Variants in PKHD1L1 observed in about 807,000 individuals in gnomAD.
PKHD1L1 encodes PKHD1 like 1, also known as fibrocystin-L.
A neutral mutation model predicts 462.9 loss-of-function variants in PKHD1L1; 434 were observed. The ratio of observed to expected loss-of-function variants is 0.94; its 90% CI spans 0.87 to 1.02. The LOEUF is 1.02. Among genes scored for constraint, PKHD1L1 ranks in the 50% least tolerant of loss-of-function variants. PKHD1L1 has a pLI of 0.00. For missense variants in PKHD1L1, 5,202 were observed against 5,096.1 expected, an observed-to-expected ratio of 1.02 and a Z score of -0.63; for synonymous variants, 1,781 against 1,750.0, an observed-to-expected ratio of 1.02 and a Z score of -0.44.
intron 15 of PKHD1L1, 90 bp from the exon 16 acceptor site, chr8:109,404,905 C>T: frequency 2.8e-6 from 3 of 1,086,352 alleles, no homozygotes; most frequent in South Asian, 4.0e-5. Flanking sequence ...TAAAATAGAG[C>T]AATAAAGTGG....
chr8:109,461,504 C>A (rs1817123162), intron 47 of PKHD1L1, among the ~76,000 whole-genome samples: 1 of 152,134 alleles, frequency 6.6e-6, no homozygotes, highest in African/African-American at 2.4e-5. Flanking sequence ...ATCCCATTAT[C>A]AATATTCCCT....
chr8:109,385,943 G>T (rs1321754162), intron 6 of PKHD1L1, among the ~76,000 whole-genome samples: 1 of 152,060 alleles, frequency 6.6e-6, no homozygotes, highest in Non-Finnish European at 1.5e-5. Context: ...ATTACTAGAG[G>T]TCTTTATTAC....
chr8:109,524,125 A>G (rs1250290627), intron 76 of PKHD1L1, among the ~76,000 whole-genome samples: 1 of 152,318 alleles, frequency 6.6e-6, no homozygotes, highest in Non-Finnish European at 1.5e-5. Context: ...TAGAGTATCT[A>G]AAAGAATGAA....
intron 21 of PKHD1L1, among the ~76,000 whole-genome samples, chr8:109,414,801 C>T (rs1051373286): frequency 1.3e-5 from 2 of 151,680 alleles, no homozygotes; most frequent in African/African-American, 4.8e-5. Flanking sequence ...TGACAATAAA[C>T]AAAACAAAGA....
intron 62 of PKHD1L1, 54 bp downstream of exon 62, chr8:109,492,048 A>C: frequency 7.8e-7 from 1 of 1,282,182 alleles, no homozygotes; most frequent in South Asian, 1.9e-5. Flanking sequence ...CAGTTATTGA[A>C]AAATATCTAA....
In PKHD1L1 at chr8:109,382,492, G is replaced by C. The variant is rs367813151; in HGVS notation, c.338G>C (p.Arg113Thr). ...ATGCCGGAAGATTCCTACACTGTTAGAGTCAGTGTGGACGGGGTTCCTGTT... is the reference window on the plus strand; with the variant it reads ...ATGCCGGAAGATTCCTACACTGTTACAGTCAGTGTGGACGGGGTTCCTGTT... ...RAMPEDSYTV[R>T]VSVDGVPVTE... Residue 113 changes from arginine (R) to threonine (T), a missense_variant, in exon 4 of 78, where the codon AGA becomes ACA. Physicochemically the swap from Arg to Thr is moderately conservative, Grantham distance 71. Transcript: ENST00000378402. The C allele has an allele frequency of 9.3e-6, 15 of 1,611,342 alleles. No homozygotes were observed. The African/African-American group carries it at 2.0e-4, about 22-fold the overall frequency.
chr8:109,498,075 T>C (rs1819205309), intron 65 of PKHD1L1, among the ~76,000 whole-genome samples: 1 of 150,520 alleles, frequency 6.6e-6, no homozygotes, highest in Non-Finnish European at 1.5e-5. Context: ...GTACTATTCA[T>C]TATCATGTTT....
chr8:109,464,398 G>A lies in PKHD1L1; in HGVS notation c.7566G>A (p.Lys2522=), dbSNP rs1033516214. 1.9e-6 allele frequency: 3 copies of A among 1,613,288 alleles called. No individual in the cohort carries two copies. In the African/African-American group the frequency reaches 4.0e-5, roughly 22 times the overall value. ...LVERNIIYDI[K]GGAFFIEDGI... is the part of the protein sequence containing the mutation. ...AGAGGAATATTATATATGATATTAA[G>A]GGAGGAGCATTTTTTATAGAAGATG... Residue 2522 remains lysine, a synonymous_variant, in exon 49 of 78, where the codon AAG becomes AAA. Coordinates refer to ENST00000378402, the MANE Select transcript of PKHD1L1 (RefSeq NM_177531.6).
intron 63 of PKHD1L1, among the ~76,000 whole-genome samples, chr8:109,494,598 A>T (rs537538840): frequency 6.6e-6 from 1 of 151,974 alleles, no homozygotes; most frequent in African/African-American, 2.4e-5. Flanking sequence ...AAATCTCTAG[A>T]ATATTCTTAA....
At chr8:109,498,888 C>T in intron 67 of PKHD1L1, 117 bp downstream of exon 67, 1 of 902,532 alleles carries the variant, frequency 1.1e-6, no homozygotes, top group Non-Finnish European at 1.7e-6. Flanking sequence ...TTATAGCAAT[C>T]TGCTCAATAT....
chr8:109,448,677 A>T (rs1350086990), intron 39 of PKHD1L1, among the ~76,000 whole-genome samples: 1 of 148,356 alleles, frequency 6.7e-6, no homozygotes, highest in African/African-American at 2.4e-5. Context: ...ATGCCTGGCT[A>T]ATTTTTTTTT....
chr8:109,461,696 C>T (rs1442295044), intron 47 of PKHD1L1, 76 bp from the exon 48 acceptor site: 9 of 1,447,224 alleles, frequency 6.2e-6, no homozygotes, highest in Non-Finnish European at 8.4e-6. Context: ...AAATGATACA[C>T]TTAGTTATGA....
Position 109,440,800 on chromosome 8 carries a change from C to A in PKHD1L1, c.4047C>A (p.Thr1349=), listed in dbSNP as rs781701182. ...CCTTGTTTGGTGGAACTGAAATCAC[C>A]ATAAGGGGTTTTGGATTCAGCACAA... is the stretch of plus-strand genomic sequence containing the variant. The part of the protein sequence containing the change: ...RGSLFGGTEI[T]IRGFGFSTIP... Residue 1349 remains threonine (T), a synonymous_variant, in exon 33 of 78, where the codon ACC becomes ACA. Coordinates refer to ENST00000378402, the MANE Select transcript of PKHD1L1 (RefSeq NM_177531.6). 4.3e-6 allele frequency: 7 copies of A among 1,612,876 alleles called. No homozygotes were observed. Among genetic ancestry groups the A allele is most frequent in the Non-Finnish European group, 5.9e-6 (7 of 1,179,310 alleles).
intron 68 of PKHD1L1, among the ~76,000 whole-genome samples, chr8:109,506,589 G>T (rs1819704448): frequency 6.6e-6 from 1 of 152,146 alleles, no homozygotes. Flanking sequence ...CAACATAAAA[G>T]ACTGCCACTG....
chr8:109,514,882 T>C (rs913030041), intron 71 of PKHD1L1, among the ~76,000 whole-genome samples: 4 of 152,114 alleles, frequency 2.6e-5, no homozygotes, highest in African/African-American at 9.7e-5. Flanking sequence ...TGTATTGTTC[T>C]TTGTTGTCTT....
In PKHD1L1 at chr8:109,382,512, C is replaced by G; in HGVS notation, c.358C>G (p.Pro120Ala). Reference protein sequence around the residue: ...YTVRVSVDGVPVTENNTCKGH... With the variant: ...YTVRVSVDGVAVTENNTCKGH... The stretch of plus-strand genomic sequence containing the variant: ...TGTTAGAGTCAGTGTGGACGGGGTT[C>G]CTGTTACGGAAAATAACACCTGCAA... Residue 120 changes from proline to alanine, a missense_variant, in exon 4 of 78, where the codon CCT (proline) becomes GCT (alanine). Physicochemically the swap from Pro to Ala is conservative, Grantham distance 27 (BLOSUM62 -1). Around this residue, in one of 3 missense-constraint regions of PKHD1L1, gnomAD observed 4,497 missense variants for 4,336.8 expected, o/e 1.04. Transcript: ENST00000378402. 6.2e-7 allele frequency: 1 copy of G among 1,612,502 alleles called. No individual in the cohort carries two copies. The highest frequency in any genetic ancestry group is 1.1e-5 in the South Asian group (1 of 90,860).
Position 109,412,367 on chromosome 8 carries a change from C to G in PKHD1L1, c.2188C>G (p.Pro730Ala). The change falls in exon 20 of 78, where the codon CCA becomes GCA. Residue 730 changes from proline to alanine, a missense_variant. Pro to Ala is a conservative substitution (Grantham distance 27, BLOSUM62 -1). This residue lies in a region of PKHD1L1 where 4,497 missense variants were observed against 4,336.8 expected (regional missense o/e 1.04). Coordinates refer to ENST00000378402, the MANE Select transcript of PKHD1L1 (RefSeq NM_177531.6). Reference protein sequence around the residue: ...AVLFDSADVKPNRRPYGDILL... With the variant: ...AVLFDSADVKANRRPYGDILL... ...TCTTTTTGACTCAGCAGATGTTAAA[C>G]CAAACAGACGACCATATGGAGATAT... 6.2e-7 allele frequency: 1 copy of G among 1,613,496 alleles called. No individual in the cohort carries two copies. Among genetic ancestry groups the G allele is most frequent in the Non-Finnish European group, 8.5e-7 (1 of 1,179,610 alleles).
Position 109,443,054 on chromosome 8 carries a change from C to G in PKHD1L1, c.4502C>G (p.Ala1501Gly), listed in dbSNP as rs1815900980. The G allele has an allele frequency of 1.9e-6, 3 of 1,613,726 alleles. No individual in the cohort carries two copies. Among genetic ancestry groups the G allele is most frequent in the Middle Eastern group, 3.3e-4 (2 of 6,062 alleles). Reference sequence around the variant, plus strand: ...CAAGGAGTCATTAATGTTTTACCAGCTGAAACCAGACACATTCCCTTGCAC... The same window carrying G: ...CAAGGAGTCATTAATGTTTTACCAGGTGAAACCAGACACATTCCCTTGCAC... ...FLQGVINVLP[A>G]ETRHIPLHLF... Residue 1501 changes from alanine to glycine, a missense_variant, in exon 36 of 78, where the codon GCT (alanine) becomes GGT (glycine). This residue lies in a region of PKHD1L1 where 4,497 missense variants were observed against 4,336.8 expected (regional missense o/e 1.04). Transcript: ENST00000378402.
chr8:109,449,522 G>T, intron 40 of PKHD1L1, 35 bp downstream of exon 40: 12 of 1,513,190 alleles, frequency 7.9e-6, no homozygotes, highest in Non-Finnish European at 9.8e-6. Flanking sequence ...CAGTCTTTGA[G>T]AACTAGTTAA....
Sources: allele counts gnomAD v4.1 joint callset (sites outside exome capture counted in the v4.1 genomes callset), GRCh38; gene constraint gnomAD v4.1.1; regional missense constraint gnomAD v4.1.1; transcripts MANE v1.5; gene names NCBI Gene and HGNC (gene_info 2026-07-23, HGNC 2026-07-21).